ELF4: variants seen among roughly 807,000 people sequenced by gnomAD.
ELF4 encodes E74 like ETS transcription factor 4.
In ELF4, 10 loss-of-function variants were observed where a neutral mutation model predicts 31.7. The observed-to-expected ratio is 0.32, with a 90% CI of 0.19 to 0.54. The LOEUF is 0.54. ELF4 is among the 20% of genes least tolerant of loss of function. ELF4 has a pLI of 0.95. For missense variants in ELF4, 418 were observed against 522.0 expected (o/e 0.80, Z 1.94); for synonymous variants, 208 against 226.7 (o/e 0.92, Z 0.74).
At chrX:130,089,463 C>T (rs1221275250) in intron 1 of ELF4, among the ~76,000 whole-genome samples, 6 of 90,277 alleles carry the variant, frequency 6.6e-5, no homozygotes, top group Non-Finnish European at 1.1e-4. Context: ...GAGCTGAGAT[C>T]GCACCACTGC....
rs1440624094 is a variant in ELF4 at position 130,066,652 on chromosome X, T to C, written c.*69A>G. ...TGAAATGCAGGGGCAGGTGTGCTAC[T>C]GAAGTCGGTCCCTATGAAAATGCTG... On this transcript the variant is annotated 3_prime_UTR_variant, in exon 9 of 9. Transcript: ENST00000308167. 2 of 1,079,391 alleles carry C rather than the reference T, an allele frequency of 1.9e-6. No homozygotes were observed. The highest frequency in any genetic ancestry group is 1.8e-5 in the African/African-American group (1 of 54,660). The allele number at this position is 1,079,391 out of a possible 1,213,427, so 89.0% of individuals were successfully genotyped here.
intron 1 of ELF4, among the ~76,000 whole-genome samples, chrX:130,091,381 C>T (rs1306104959): frequency 3.6e-5 from 4 of 111,749 alleles, no homozygotes; most frequent in African/African-American, 9.8e-5. Flanking sequence ...GAGCCGACAT[C>T]GTGCCACTGC....
chrX:130,074,619 G>A lies in ELF4; in HGVS notation c.209C>T (p.Thr70Met), dbSNP rs779024962. 11 of 1,209,779 alleles carry A rather than the reference G, an allele frequency of 9.1e-6. No homozygotes were observed. Among genetic ancestry groups the A allele is most frequent in the East Asian group, 8.9e-5 (3 of 33,763 alleles). Residue 70 changes from threonine to methionine, a missense_variant, in exon 3 of 9, where the codon ACG becomes ATG. Around this residue, in one of 4 missense-constraint regions of ELF4, gnomAD observed 35 missense variants for 76.4 expected, o/e 0.46. Coordinates refer to ENST00000308167, the MANE Select transcript of ELF4 (RefSeq NM_001421.4). ...GIITDGTLCM[T>M]QDQILEGSFL... ...ACTGCCTTCCAGGATCTGATCCTGC[G>A]TCATGCACAAGGTCCCGTCTGTTAT...
chrX:130,071,279 C>T (rs1389390300), intron 6 of ELF4, 47 bp from the exon 7 acceptor site: 1 of 1,210,946 alleles, frequency 8.3e-7, no homozygotes, highest in Non-Finnish European at 1.1e-6. Flanking sequence ...GCTGGGGCAC[C>T]CTGGCAGCAG....
Position 130,083,844 on chromosome X carries a change from A to C in ELF4, c.-209-2305T>G, listed in dbSNP as rs745566164. Among the ~76,000 whole-genome samples the C allele has an allele frequency of 1.4e-4, 14 of 102,922 alleles. No homozygotes were observed. In the South Asian group the frequency reaches 1.6e-3, roughly 12 times the overall value. 89.4% of individuals were successfully genotyped at this position (102,922 alleles called of 115,157 possible). Reference sequence around the variant, plus strand: ...GCTGGATGGATGGCTGGATGGATGGATGGATGGATGGATGGATGGATGGAT... The same window carrying C: ...GCTGGATGGATGGCTGGATGGATGGCTGGATGGATGGATGGATGGATGGAT... On this transcript the variant is annotated intron_variant, in intron 1 of 8. Coordinates refer to ENST00000308167, the MANE Select transcript of ELF4 (RefSeq NM_001421.4).
Position 130,069,543 on chromosome X carries a change from T to A in ELF4, c.944A>T (p.Gln315Leu). Residue 315 changes from glutamine to leucine, a missense_variant, in exon 8 of 9, where the codon CAG becomes CTG. Physicochemically the swap from Gln to Leu is moderately radical, Grantham distance 113. Around this residue, in one of 4 missense-constraint regions of ELF4, gnomAD observed 35 missense variants for 84.0 expected, o/e 0.42. Coordinates refer to ENST00000308167, the MANE Select transcript of ELF4 (RefSeq NM_001421.4). ...ESSEATAAPPQASTASVASAS... is the reference protein window; with the variant it reads ...ESSEATAAPPLASTASVASAS... ...AGAGGCCACAGAGGCCGTGGAGGCCTGAGGTGGGGCTGCTGTGGCTTCGCT... is the reference window on the plus strand; with the variant it reads ...AGAGGCCACAGAGGCCGTGGAGGCCAGAGGTGGGGCTGCTGTGGCTTCGCT... 2 of 1,211,666 alleles carry A rather than the reference T, an allele frequency of 1.7e-6. No individual in the cohort carries two copies. The highest frequency in any genetic ancestry group is 2.2e-6 in the Non-Finnish European group (2 of 894,956).
At chrX:130,109,087 C>T (rs1933426673) in intron 1 of ELF4, among the ~76,000 whole-genome samples, 1 of 112,770 alleles carries the variant, frequency 8.9e-6, no homozygotes, top group Admixed American at 9.3e-5. Context: ...ATGTGTTCCC[C>T]GGGCATTTTC....
intron 1 of ELF4, among the ~76,000 whole-genome samples, chrX:130,097,866 A>T (rs1933178631): frequency 1.8e-5 from 2 of 112,635 alleles, no homozygotes; most frequent in South Asian, 7.3e-4. Flanking sequence ...GCTGGACAGG[A>T]TGTTTCCACA....
Position 130,066,472 on chromosome X carries a change from T to A in ELF4, c.*249A>T, listed in dbSNP as rs372685525. The A allele has an allele frequency of 2.6e-6, 1 of 381,888 alleles. No homozygotes were observed. Among genetic ancestry groups the A allele is most frequent in the Non-Finnish European group, 4.5e-6 (1 of 222,202 alleles). The allele number at this position is 381,888 out of a possible 1,213,427, so 31.5% of individuals were successfully genotyped here. A position where few individuals can be genotyped will look rare whatever the true frequency, so the allele number is the denominator to read the frequency against. ...CCTGGCTCAAGGCTTTTTCCCTCCA[T>A]CACCAAGTCAGCCCGTTATGCTGCC... On this transcript the variant is annotated 3_prime_UTR_variant, in exon 9 of 9. Coordinates refer to ENST00000308167, the MANE Select transcript of ELF4 (RefSeq NM_001421.4).
chrX:130,067,130 G>C lies in ELF4; in HGVS notation c.1583C>G (p.Ser528Cys), dbSNP rs1932695675. 1 of 1,201,382 alleles carries C rather than the reference G, an allele frequency of 8.3e-7. No individual in the cohort carries two copies. Among genetic ancestry groups the C allele is most frequent in the African/African-American group, 1.7e-5 (1 of 57,584 alleles). ...GACCCTAGGGGCTGCTGTAGTGCCA[G>C]AAGTCCTGATGAAGGCAGCAATGAC... ...GTVIAAFIRT[S>C]GTTAAPRVKE... Residue 528 changes from serine (S) to cysteine (C), a missense_variant, in exon 9 of 9, where the codon TCT becomes TGT. Ser to Cys is a moderately radical substitution (Grantham distance 112). Coordinates refer to ENST00000308167, the MANE Select transcript of ELF4 (RefSeq NM_001421.4).
intron 1 of ELF4, among the ~76,000 whole-genome samples, chrX:130,098,025 C>T (rs1933181474): frequency 8.9e-6 from 1 of 112,250 alleles, no homozygotes; most frequent in Non-Finnish European, 1.9e-5. Flanking sequence ...AGCCGGCTGC[C>T]CCCGCCCTGC....
intron 1 of ELF4, among the ~76,000 whole-genome samples, chrX:130,089,897 G>A (rs1315063960): frequency 4.5e-5 from 5 of 111,562 alleles, no homozygotes; most frequent in African/African-American, 9.8e-5. Context: ...TCAGGAGTTC[G>A]AGATCAGCCT....
At chrX:130,074,524 C>T (rs898133769) in intron 3 of ELF4, 57 bp downstream of exon 3, 42 of 1,202,573 alleles carry the variant, frequency 3.5e-5, no homozygotes, top group Middle Eastern at 2.3e-4. Flanking sequence ...GCTGCTGTTC[C>T]CTAAAGACAC....
chrX:130,087,009 GA>G (rs773130902), intron 1 of ELF4, among the ~76,000 whole-genome samples: 76 of 112,601 alleles, frequency 6.7e-4, no homozygotes, highest in African/African-American at 2.4e-3. Flanking sequence ...TATGTGGCAA[GA>G]AAGAGCACTA....
In ELF4 at chrX:130,065,801, GC is replaced by G. The variant is rs1243085603; in HGVS notation, c.*919del. 3 of 174,133 alleles carry G rather than the reference GC, an allele frequency of 1.7e-5. No homozygotes were observed. The highest frequency in any genetic ancestry group is 3.3e-5 in the Non-Finnish European group (3 of 91,310). 14.4% of individuals were successfully genotyped at this position (174,133 alleles called of 1,213,427 possible). A position where few individuals can be genotyped will look rare whatever the true frequency, so the allele number is the denominator to read the frequency against. On this transcript the variant is annotated 3_prime_UTR_variant, in exon 9 of 9. Coordinates refer to ENST00000308167, the MANE Select transcript of ELF4 (RefSeq NM_001421.4). ...ATACTCAATGAATTCAGCTCTGGGG[GC>G]TTTGTGGCTAGCTCTGAGGCTGGAG... is the stretch of plus-strand genomic sequence containing the variant.
rs1932666250 is a variant in ELF4, at chrX:130,066,214, T to G, written c.*507A>C. The stretch of plus-strand genomic sequence containing the variant: ...CTTAAAAACAAAATCCCTATCCCTG[T>G]GGCTGATCCACGGAGACATACACAC... On this transcript the variant is annotated 3_prime_UTR_variant, in exon 9 of 9. Transcript: ENST00000308167. The G allele has an allele frequency of 5.6e-6, 1 of 177,053 alleles. No homozygotes were observed. Among genetic ancestry groups the G allele is most frequent in the South Asian group, 3.1e-4 (1 of 3,277 alleles). The allele number at this position is 177,053 out of a possible 1,213,427, so 14.6% of individuals were successfully genotyped here.
intron 3 of ELF4, 124 bp downstream of exon 3, chrX:130,074,454 CACA>C (rs1186497466): frequency 8.5e-6 from 8 of 939,838 alleles, no homozygotes; most frequent in Non-Finnish European, 1.1e-5. Context: ...TGTGAAGCAG[CACA>C]ACTTTTTGGC....
At chrX:130,107,898 C>T (rs780318597) in intron 1 of ELF4, among the ~76,000 whole-genome samples, 2 of 112,759 alleles carry the variant, frequency 1.8e-5, no homozygotes, top group East Asian at 2.8e-4. Context: ...GGATTTCAAC[C>T]TAGACAGCCA....
rs1413901289 is a variant in ELF4 at position 130,065,809 on chromosome X, G to C, written c.*912C>G. 1 of 173,999 alleles carries C rather than the reference G, an allele frequency of 5.7e-6. No homozygotes were observed. Among genetic ancestry groups the C allele is most frequent in the Non-Finnish European group, 1.1e-5 (1 of 91,215 alleles). The allele number at this position is 173,999 out of a possible 1,213,427, so 14.3% of individuals were successfully genotyped here. ...TGAATTCAGCTCTGGGGGCTTTGTG[G>C]CTAGCTCTGAGGCTGGAGGGCACTT... On this transcript the variant is annotated 3_prime_UTR_variant, in exon 9 of 9. Transcript: ENST00000308167.
Sources: gnomAD v4.1 joint callset for allele counts (sites outside exome capture counted in the v4.1 genomes callset) on GRCh38, gnomAD v4.1.1 for gene constraint, gnomAD v4.1.1 regional missense constraint, MANE v1.5 for transcripts, NCBI Gene and HGNC (gene_info 2026-07-23, HGNC 2026-07-21) for gene names.